Variants in RERE observed in about 807,000 individuals in gnomAD.
The protein encoded by RERE is arginine-glutamic acid dipeptide repeats, also known as arginine-glutamic acid dipeptide repeats protein.
RERE carries 40 observed loss-of-function variants against 146.1 expected under a neutral mutation model. That is an observed-to-expected ratio of 0.27 (90% CI 0.21 to 0.36). The LOEUF (loss-of-function observed/expected upper bound fraction) is 0.36. RERE is among the 10% of genes least tolerant of loss of function. The pLI is 1.00. For missense variants in RERE, 1,933 were observed against 2,138.7 expected (o/e 0.90, Z 1.90); for synonymous variants, 1,003 against 866.0 (o/e 1.16, Z -2.78).
rs1641253235 is a variant in RERE, at chr1:8,355,502, C to A, written c.4584G>T (p.Gln1528His). ...GCCACTGCTGCTCCATGGCCAGTCT[C>A]TGCAGCTCGGCCGACTGGGCATGCA... is the stretch of plus-strand genomic sequence containing the variant. ...QAMHAQSAELQRLAMEQQWLH... is the reference protein window; with the variant it reads ...QAMHAQSAELHRLAMEQQWLH... Residue 1528 changes from glutamine (Q) to histidine (H), a missense_variant, in exon 22 of 23, where the codon CAG (glutamine) becomes CAT (histidine). Around this residue, in one of 11 missense-constraint regions of RERE, gnomAD observed 133 missense variants for 168.6 expected, o/e 0.79. Transcript: ENST00000400908. The A allele has an allele frequency of 3.7e-6, 6 of 1,612,578 alleles. No individual in the cohort carries two copies. Among genetic ancestry groups the A allele is most frequent in the Non-Finnish European group, 5.1e-6 (6 of 1,179,838 alleles).
chr1:8,380,300 C>G (rs1365431830), intron 12 of RERE, among the ~76,000 whole-genome samples: 1 of 151,598 alleles, frequency 6.6e-6, no homozygotes, highest in East Asian at 1.9e-4. Context: ...CCTCACTGCT[C>G]AAGCCTAGGT....
chr1:8,735,722 C>A (rs1459449454), intron 1 of RERE, among the ~76,000 whole-genome samples: 1 of 152,120 alleles, frequency 6.6e-6, no homozygotes, highest in Non-Finnish European at 1.5e-5. Context: ...GTGCGAAGTT[C>A]CCATGAGATC....
chr1:8,456,093 A>G (rs1255864955), intron 11 of RERE, among the ~76,000 whole-genome samples: 3 of 152,206 alleles, frequency 2.0e-5, no homozygotes, highest in Admixed American at 6.5e-5. Context: ...CGACAAGGGA[A>G]GCTGGCCTCT....
chr1:8,432,175 A>T (rs114870633), intron 11 of RERE, among the ~76,000 whole-genome samples: 2 of 152,180 alleles, frequency 1.3e-5, no homozygotes, highest in Non-Finnish European at 2.9e-5. Context: ...TCGGTCTGCT[A>T]GTTAGTTAAC....
chr1:8,781,367 A>AAC (rs1359577803), intron 1 of RERE, among the ~76,000 whole-genome samples: 2 of 151,502 alleles, frequency 1.3e-5, no homozygotes, highest in East Asian at 1.9e-4. Flanking sequence ...AAAAAAAAAA[A>AAC]AACAACTTTT....
At chr1:8,389,704 T>G (rs768425709) in intron 12 of RERE, among the ~76,000 whole-genome samples, 16 of 152,120 alleles carry the variant, frequency 1.1e-4, no homozygotes, top group Non-Finnish European at 2.1e-4. Context: ...CCACGGAAGG[T>G]CGCATGGAGG....
intron 11 of RERE, among the ~76,000 whole-genome samples, chr1:8,429,239 G>A (rs1644060802): frequency 6.6e-6 from 1 of 152,108 alleles, no homozygotes; most frequent in Non-Finnish European, 1.5e-5. Context: ...CTAAATCCTT[G>A]AACCAGGCTG....
At chr1:8,709,450 T>C (rs1188851286) in intron 1 of RERE, among the ~76,000 whole-genome samples, 1 of 152,080 alleles carries the variant, frequency 6.6e-6, no homozygotes, top group African/African-American at 2.4e-5. Context: ...TATATGGTCC[T>C]ACGGAAAATC....
At chr1:8,755,646 T>G (rs1640626506) in intron 1 of RERE, among the ~76,000 whole-genome samples, 1 of 152,196 alleles carries the variant, frequency 6.6e-6, no homozygotes, top group African/African-American at 2.4e-5. Flanking sequence ...AATACAAAAA[T>G]TTTTAAAGCA....
chr1:8,694,982 G>GT lies in RERE; in HGVS notation c.-144-38542_-144-38541insA, dbSNP rs1214437281. On this transcript the variant is annotated intron_variant, in intron 1 of 22. Transcript: ENST00000400908. ...AGCCAAAGAAATCCTAAGGGGGGGGGGGGAATGCTGGCAGCATCACATTAT... is the reference window on the plus strand; with the variant it reads ...AGCCAAAGAAATCCTAAGGGGGGGGGTGGGAATGCTGGCAGCATCACATTAT... 1.6e-4 allele frequency among the ~76,000 whole-genome samples: 21 copies of GT among 131,576 alleles called. 2 individuals are homozygous for GT. The highest frequency in any genetic ancestry group is 5.5e-4 in the African/African-American group (19 of 34,516). The allele number at this position is 131,576 out of a possible 152,430, so 86.3% of individuals were successfully genotyped here.
intron 11 of RERE, among the ~76,000 whole-genome samples, chr1:8,448,242 A>G (rs1644347271): frequency 6.6e-6 from 1 of 152,160 alleles, no homozygotes; most frequent in African/African-American, 2.4e-5. Flanking sequence ...GAAGGGGACT[A>G]TTTAATTATT....
chr1:8,577,965 C>G (rs1277349020), intron 4 of RERE, among the ~76,000 whole-genome samples: 2 of 152,120 alleles, frequency 1.3e-5, no homozygotes, highest in Non-Finnish European at 2.9e-5. Context: ...GTGGCGGGCG[C>G]CTGTAGTCCC....
At chr1:8,730,024 CTGA>C (rs1640049487) in intron 1 of RERE, among the ~76,000 whole-genome samples, 2 of 152,186 alleles carry the variant, frequency 1.3e-5, no homozygotes, top group South Asian at 2.1e-4. Context: ...CTGAGATAGG[CTGA>C]TATTTCTTTC....
intron 12 of RERE, among the ~76,000 whole-genome samples, chr1:8,383,118 G>C (rs764766514): frequency 2.6e-5 from 4 of 151,790 alleles, no homozygotes; most frequent in Non-Finnish European, 5.9e-5. Flanking sequence ...AAGAATAAGA[G>C]AATGTTAGAG....
chr1:8,633,472 CACACAA>C (rs1437169608), intron 2 of RERE, among the ~76,000 whole-genome samples: 42 of 152,184 alleles, frequency 2.8e-4, no homozygotes, highest in Admixed American at 5.9e-4. Context: ...CACACACACA[CACACAA>C]AAATGTACTT....
At chr1:8,708,272 GA>G (rs1307003238) in intron 1 of RERE, among the ~76,000 whole-genome samples, 3 of 152,076 alleles carry the variant, frequency 2.0e-5, no homozygotes, top group Admixed American at 6.6e-5. Context: ...CGTCATAGTG[GA>G]TAAGTCTCAC....
At chr1:8,777,156 A>G (rs1028428191) in intron 1 of RERE, among the ~76,000 whole-genome samples, 1 of 152,236 alleles carries the variant, frequency 6.6e-6, no homozygotes, top group African/African-American at 2.4e-5. Context: ...AACACGAAAG[A>G]AAGTTATCAA....
intron 12 of RERE, among the ~76,000 whole-genome samples, chr1:8,413,753 C>T (rs12754538): frequency 0.22 from 33,876 of 151,872 alleles, 5,311 homozygotes; most frequent in East Asian, 0.75. Flanking sequence ...CCAGCAAGAC[C>T]GTTAGAAATG....
chr1:8,786,072 ACTC>A (rs1260117178), intron 1 of RERE: 5 of 409,560 alleles, frequency 1.2e-5, no homozygotes, highest in Middle Eastern at 7.9e-4. Flanking sequence ...GTCTGGCCAC[ACTC>A]CTCATCAGTC....
Sources: gnomAD v4.1 joint callset for allele counts (sites outside exome capture counted in the v4.1 genomes callset) on GRCh38, gnomAD v4.1.1 for gene constraint, gnomAD v4.1.1 regional missense constraint, MANE v1.5 for transcripts, NCBI Gene and HGNC (gene_info 2026-07-23, HGNC 2026-07-21) for gene names.